SLC9C1: variants seen among roughly 807,000 people sequenced by gnomAD.
SLC9C1 encodes the protein sodium/hydrogen exchanger 10.
SLC9C1 carries 97 observed loss-of-function variants against 140.9 expected under a neutral mutation model. The ratio of observed to expected loss-of-function variants is 0.69; its 90% CI spans 0.58 to 0.82. The LOEUF is 0.82. Among genes scored for constraint, SLC9C1 ranks in the 40% least tolerant of loss-of-function variants. The probability of loss-of-function intolerance (pLI) is 0.00; values close to 1 mark genes in which losing one functional copy is unlikely to be tolerated. For missense variants in SLC9C1, 1,340 were observed against 1,389.3 expected (o/e 0.96, Z 0.56); for synonymous variants, 440 against 442.6 (o/e 0.99, Z 0.07).
At chr3:112,267,575 C>CAAAAAAAAAAAAAA (rs71933510) in intron 7 of SLC9C1, among the ~76,000 whole-genome samples, 2 of 56,852 alleles carry the variant, frequency 3.5e-5, no homozygotes, top group African/African-American at 7.0e-5. Context: ...GACTCCGTCT[C>CAAAAAAAAAAAAAA]AAAAAAAAAA....
intron 28 of SLC9C1, among the ~76,000 whole-genome samples, chr3:112,147,751 T>G (rs1451852314): frequency 6.6e-6 from 1 of 152,186 alleles, no homozygotes; most frequent in Non-Finnish European, 1.5e-5. Flanking sequence ...GGTGACTATA[T>G]GTGTTGGGGA....
intron 28 of SLC9C1, among the ~76,000 whole-genome samples, chr3:112,150,791 TACATATATATATATATATAAATACATA>T (rs2074937438): frequency 7.6e-5 from 1 of 13,088 alleles, no homozygotes; most frequent in Non-Finnish European, 2.4e-4. Flanking sequence ...TAAATACATA[TACATATATATATATATATAAATACATA>T]TACATATATA....
intron 5 of SLC9C1, among the ~76,000 whole-genome samples, 198 bp from the exon 6 acceptor site, chr3:112,275,223 C>A (rs2080182888): frequency 1.3e-5 from 2 of 152,030 alleles, no homozygotes; most frequent in Admixed American, 6.6e-5. Context: ...AATCAAAGTT[C>A]TCATTCCTTG....
chr3:112,254,757 A>G (rs776172241), intron 10 of SLC9C1, among the ~76,000 whole-genome samples: 2 of 152,192 alleles, frequency 1.3e-5, no homozygotes, highest in African/African-American at 4.8e-5. Context: ...AACCTTGACT[A>G]TAAATGGGTT....
intron 15 of SLC9C1, among the ~76,000 whole-genome samples, chr3:112,211,954 C>G (rs1474460935): frequency 1.3e-5 from 2 of 152,202 alleles, no homozygotes; most frequent in Non-Finnish European, 2.9e-5. Context: ...GGAGGCACCC[C>G]CCAGTAAGGG....
intron 20 of SLC9C1, among the ~76,000 whole-genome samples, chr3:112,193,443 C>T (rs1015784473): frequency 6.6e-6 from 1 of 152,096 alleles, no homozygotes; most frequent in African/African-American, 2.4e-5. Context: ...GTTTCTCAGG[C>T]CCTTAGTTCT....
At chr3:112,215,827 A>C (rs1020018486) in intron 15 of SLC9C1, among the ~76,000 whole-genome samples, 1 of 152,194 alleles carries the variant, frequency 6.6e-6, no homozygotes, top group Non-Finnish European at 1.5e-5. Flanking sequence ...GCTACCAATG[A>C]CTTTCTTCAC....
At chr3:112,268,369 C>T (rs1299886112) in intron 7 of SLC9C1, among the ~76,000 whole-genome samples, 2 of 152,136 alleles carry the variant, frequency 1.3e-5, no homozygotes, top group Non-Finnish European at 2.9e-5. Flanking sequence ...ATAATAAATT[C>T]CCATTACTCT....
intron 2 of SLC9C1, among the ~76,000 whole-genome samples, chr3:112,283,169 G>C (rs72948359): frequency 6.7e-4 from 102 of 152,278 alleles, no homozygotes; most frequent in African/African-American, 2.3e-3. Context: ...ATTGAAATGA[G>C]GGGAGGGGAT....
chr3:112,287,763 C>T (rs2080551622), intron 1 of SLC9C1, among the ~76,000 whole-genome samples: 1 of 152,042 alleles, frequency 6.6e-6, no homozygotes, highest in Non-Finnish European at 1.5e-5. Flanking sequence ...AATTATAATT[C>T]CTGGCCGGGC....
intron 13 of SLC9C1, among the ~76,000 whole-genome samples, chr3:112,222,829 C>A (rs2078578861): frequency 6.6e-6 from 1 of 152,020 alleles, no homozygotes; most frequent in Non-Finnish European, 1.5e-5. Context: ...AGAAAGGGAG[C>A]TGTATTTAAT....
chr3:112,276,366 G>GTATA (rs138208377), intron 5 of SLC9C1, among the ~76,000 whole-genome samples: 17 of 141,962 alleles, frequency 1.2e-4, no homozygotes, highest in African/African-American at 1.5e-4. Context: ...AATTTTTCAA[G>GTATA]TATATATATA....
At position 112,278,825 on chromosome 3, in the gene SLC9C1, C is replaced by T; in HGVS notation, c.222G>A (p.Met74Ile). Residue 74 changes from methionine (M) to isoleucine (I), a missense_variant, in exon 4 of 29, where the codon ATG (methionine) becomes ATA (isoleucine). Met to Ile is a conservative substitution (Grantham distance 10, BLOSUM62 1). Coordinates refer to ENST00000305815, the MANE Select transcript of SLC9C1 (RefSeq NM_183061.3). ...VQRYANAIQW[M>I]SPDLFFRIFT... The stretch of plus-strand genomic sequence containing the variant: ...ATATACGAAAAAATAAGTCTGGACT[C>T]ATCCATTGTATGGCGTTTGCGTATC... 1.2e-6 allele frequency: 2 copies of T among 1,607,074 alleles called. No homozygotes were observed.
At chr3:112,181,715 G>A (rs1049635187) in intron 21 of SLC9C1, among the ~76,000 whole-genome samples, 30 of 152,048 alleles carry the variant, frequency 2.0e-4, no homozygotes, top group African/African-American at 6.5e-4. Flanking sequence ...TGGGGCATTT[G>A]GCCCCAAAAC....
At chr3:112,224,678 C>G (rs971726305) in intron 13 of SLC9C1, among the ~76,000 whole-genome samples, 9 of 150,664 alleles carry the variant, frequency 6.0e-5, no homozygotes, top group Admixed American at 5.3e-4. Flanking sequence ...TGATAACAAA[C>G]TAGATCAAAC....
chr3:112,245,337 TC>T (rs1037561179), intron 10 of SLC9C1, among the ~76,000 whole-genome samples: 40 of 152,274 alleles, frequency 2.6e-4, no homozygotes, highest in African/African-American at 9.4e-4. Context: ...TGTATTTTCT[TC>T]AAAAAATTTT....
At chr3:112,267,596 A>AAGAG (rs1469747745) in intron 7 of SLC9C1, among the ~76,000 whole-genome samples, 2 of 138,744 alleles carry the variant, frequency 1.4e-5, no homozygotes, top group African/African-American at 5.1e-5. Flanking sequence ...AAAAAAAAAA[A>AAGAG]AGAGAGAGAG....
At chr3:112,172,374 A>G (rs2107929161) in intron 23 of SLC9C1, among the ~76,000 whole-genome samples, 1 of 152,192 alleles carries the variant, frequency 6.6e-6, no homozygotes, top group South Asian at 2.1e-4. Context: ...TGTTACTAGT[A>G]TATGAAAACA....
At chr3:112,242,362 G>T (rs1298570502) in intron 11 of SLC9C1, among the ~76,000 whole-genome samples, 3 of 152,118 alleles carry the variant, frequency 2.0e-5, no homozygotes, top group Non-Finnish European at 4.4e-5. Context: ...AAAAGAATGA[G>T]ATCCTGTCAT....
Sources: allele counts gnomAD v4.1 joint callset (sites outside exome capture counted in the v4.1 genomes callset), GRCh38; gene constraint gnomAD v4.1.1; transcripts MANE v1.5; gene names NCBI Gene and HGNC (gene_info 2026-07-23, HGNC 2026-07-21).